Variants in DGCR8 observed in about 807,000 individuals in gnomAD.
The protein encoded by DGCR8 is DGCR8 microprocessor complex subunit, also known as microprocessor complex subunit DGCR8.
In DGCR8, 14 loss-of-function variants were observed where a neutral mutation model predicts 78.5. That is an observed-to-expected ratio of 0.18 (90% CI 0.12 to 0.28). DGCR8 has a LOEUF of 0.28. Among genes scored for constraint, DGCR8 ranks in the 10% least tolerant of loss-of-function variants. The pLI, the probability that DGCR8 is intolerant of heterozygous loss-of-function variation, is 1.00. For missense variants in DGCR8, 702 were observed against 1,022.5 expected, an observed-to-expected ratio of 0.69 and a Z score of 4.28; for synonymous variants, 399 against 402.4, an observed-to-expected ratio of 0.99 and a Z score of 0.10.
Position 20,110,150 on chromosome 22 carries a change from C to T in DGCR8, c.*42C>T, listed in dbSNP as rs758322011. 1.3e-6 allele frequency: 2 copies of T among 1,582,566 alleles called. No homozygotes were observed. Among genetic ancestry groups the T allele is most frequent in the South Asian group, 1.1e-5 (1 of 90,560 alleles). On this transcript the variant is annotated 3_prime_UTR_variant, in exon 14 of 14. Transcript: ENST00000351989. ...CAGGGCGCGGGGGCCGCCAGCCGCACTTCTGAGGAGACCAGCAGTCATGCA... is the reference window on the plus strand; with the variant it reads ...CAGGGCGCGGGGGCCGCCAGCCGCATTTCTGAGGAGACCAGCAGTCATGCA...
rs2073778 is a variant in DGCR8, at chr22:20,087,052, C to T, written c.721-110C>T. On this transcript the variant is annotated intron_variant, in intron 2 of 13. Coordinates refer to ENST00000351989, the MANE Select transcript of DGCR8 (RefSeq NM_022720.7). This position sits in a 1 kb window ranked among gnomAD's most constrained non-coding sequence, Gnocchi z 4.1. ...ATGCACCCTAAGGGCACATCTAGGC[C>T]CCCTGAGAGCACCTCCTTTCTGTGT... The T allele has an allele frequency of 0.15, 202,610 of 1,396,062 alleles. 20,149 individuals are homozygous for T. The highest frequency in any genetic ancestry group is 0.49 in the East Asian group (20,978 of 43,136). The allele number at this position is 1,396,062 out of a possible 1,614,324, so 86.5% of individuals were successfully genotyped here. A position where few individuals can be genotyped will look rare whatever the true frequency, so the allele number is the denominator to read the frequency against.
chr22:20,086,871 T>C lies in DGCR8; in HGVS notation c.720+188T>C, dbSNP rs987137797. 1.7e-4 allele frequency: 147 copies of C among 862,632 alleles called. 2 individuals carry two copies. The highest frequency in any genetic ancestry group is 2.9e-5 in the Non-Finnish European group (17 of 583,180). The allele number at this position is 862,632 out of a possible 1,614,324, so 53.4% of individuals were successfully genotyped here. ...AGGAGTCCAGATTTTTAAAGTTTCC[T>C]AATGAAAAGTTTGGCCCATGGGTAG... On this transcript the variant is annotated intron_variant, in intron 2 of 13. Coordinates refer to ENST00000351989, the MANE Select transcript of DGCR8 (RefSeq NM_022720.7). The surrounding 1 kb of genome is among the most constrained non-coding windows in gnomAD (Gnocchi z 6.4).
intron 9 of DGCR8, among the ~76,000 whole-genome samples, chr22:20,102,302 G>A (rs566291125): frequency 8.7e-4 from 132 of 152,284 alleles, no homozygotes; most frequent in Middle Eastern, 6.8e-3. Flanking sequence ...GATCCTGAAT[G>A]TCCTCTTAGT....
In DGCR8 at chr22:20,111,433, C is replaced by T; in HGVS notation, c.*1325C>T. On this transcript the variant is annotated 3_prime_UTR_variant, in exon 14 of 14. Transcript: ENST00000351989. ...CCGCCCACAACATATCCTTCCCTCA[C>T]TACCTGTGTGACCAAGGTTGGCTTC... The T allele has an allele frequency of 2.5e-6, 1 of 398,308 alleles. No individual in the cohort carries two copies. Among genetic ancestry groups the T allele is most frequent in the Non-Finnish European group, 4.4e-6 (1 of 225,988 alleles). 24.7% of individuals were successfully genotyped at this position (398,308 alleles called of 1,614,324 possible). A position where few individuals can be genotyped will look rare whatever the true frequency, so the allele number is the denominator to read the frequency against.
intron 1 of DGCR8, among the ~76,000 whole-genome samples, chr22:20,083,108 C>G (rs753072462): frequency 6.6e-6 from 1 of 152,170 alleles, no homozygotes; most frequent in Non-Finnish European, 1.5e-5. Flanking sequence ...CTGGAACATC[C>G]CCTCCTCCCA....
chr22:20,109,318 G>A (rs1323833550), intron 13 of DGCR8: 3 of 320,666 alleles, frequency 9.4e-6, no homozygotes, highest in African/African-American at 6.5e-5. Context: ...GCACCTGCCA[G>A]GGTTGAATCT....
intron 1 of DGCR8, among the ~76,000 whole-genome samples, chr22:20,082,933 ATC>A (rs1173112217): frequency 1.3e-5 from 2 of 152,204 alleles, no homozygotes; most frequent in Non-Finnish European, 2.9e-5. Context: ...CCGGTGGCCC[ATC>A]TCTCTCACTA....
intron 1 of DGCR8, among the ~76,000 whole-genome samples, chr22:20,082,657 G>A (rs530983447): frequency 6.6e-6 from 1 of 152,260 alleles, no homozygotes; most frequent in South Asian, 2.1e-4. Flanking sequence ...GTGCACCACC[G>A]CGCCCGGCCC....
At chr22:20,084,361 G>A (rs1225496901) in intron 1 of DGCR8, among the ~76,000 whole-genome samples, 2 of 152,212 alleles carry the variant, frequency 1.3e-5, no homozygotes, top group African/African-American at 2.4e-5. Context: ...TGCACGTTGT[G>A]GGAGTGTGCA....
At chr22:20,083,453 G>A (rs1193877037) in intron 1 of DGCR8, among the ~76,000 whole-genome samples, 1 of 151,690 alleles carries the variant, frequency 6.6e-6, no homozygotes, top group Non-Finnish European at 1.5e-5. Flanking sequence ...GTCTGGGGCT[G>A]GGCAGGTTTC....
At chr22:20,100,981 C>G (rs901499347) in intron 9 of DGCR8, among the ~76,000 whole-genome samples, 2 of 152,202 alleles carry the variant, frequency 1.3e-5, no homozygotes, top group Non-Finnish European at 2.9e-5. Context: ...CTCAGGAACT[C>G]AGGAAAAATT....
chr22:20,101,738 C>T (rs1461068284), intron 9 of DGCR8: 8 of 985,210 alleles, frequency 8.1e-6, no homozygotes, highest in African/African-American at 1.7e-5. Flanking sequence ...TCCTCCCTAG[C>T]GAGGCTCTCA....
chr22:20,088,856 C>T (rs1010669883), intron 3 of DGCR8, among the ~76,000 whole-genome samples: 1 of 151,922 alleles, frequency 6.6e-6, no homozygotes, highest in South Asian at 2.1e-4. Flanking sequence ...TGGAGTAGCT[C>T]ACTACAGCCT....
chr22:20,090,164 C>T lies in DGCR8; in HGVS notation c.1212C>T (p.Pro404=), dbSNP rs140543646. The change falls in exon 5 of 14, where the codon CCC becomes CCT. Residue 404 remains proline, a synonymous_variant. Transcript: ENST00000351989. ...EPDSMGADPG[P]PDEKDPLGAE... ...ACTCTATGGGTGCTGACCCGGGGCC[C>T]CCGGACGAGAAAGACCCACTAGGGG... 1 of 1,614,088 alleles carries T rather than the reference C, an allele frequency of 6.2e-7. No individual in the cohort carries two copies. The highest frequency in any genetic ancestry group is 8.5e-7 in the Non-Finnish European group (1 of 1,180,040).
At position 20,111,285 on chromosome 22, in the gene DGCR8, G is replaced by T; in HGVS notation, c.*1177G>T. The T allele has an allele frequency of 2.5e-6, 1 of 398,830 alleles. No homozygotes were observed. Among genetic ancestry groups the T allele is most frequent in the Non-Finnish European group, 4.4e-6 (1 of 226,140 alleles). 24.7% of individuals were successfully genotyped at this position (398,830 alleles called of 1,614,324 possible). A position where few individuals can be genotyped will look rare whatever the true frequency, so the allele number is the denominator to read the frequency against. ...CTGTGCAGAGTGCCGTGTGCTTGTG[G>T]TGCGCCATCTGAAGCAAGAGTCCAG... is the stretch of plus-strand genomic sequence containing the variant. On this transcript the variant is annotated 3_prime_UTR_variant, in exon 14 of 14. Transcript: ENST00000351989.
intron 8 of DGCR8, among the ~76,000 whole-genome samples, chr22:20,094,061 G>T (rs541404643): frequency 6.6e-6 from 1 of 152,206 alleles, no homozygotes; most frequent in Admixed American, 6.5e-5. Flanking sequence ...TGCCTTGGGC[G>T]TGGCTGTGTG....
chr22:20,100,668 A>G, intron 9 of DGCR8: 12 of 985,406 alleles, frequency 1.2e-5, no homozygotes, highest in Non-Finnish European at 1.3e-5. Flanking sequence ...TCTTCTGTGA[A>G]GTGGAGAGGC....
At position 20,101,577 on chromosome 22, in the gene DGCR8, CAA is replaced by C. The variant is rs57386389; in HGVS notation, c.1789-4588_1789-4587del. ...TGGGCGACGGAGCGAGAATATGTCT[CAA>C]AAAAAAAAAAATGTATATATGTCAT... On this transcript the variant is annotated intron_variant, in intron 9 of 13. Transcript: ENST00000351989. 31 of 826,818 alleles carry C rather than the reference CAA, an allele frequency of 3.7e-5. No individual in the cohort carries two copies. In the African/African-American group the frequency reaches 5.3e-4, roughly 14 times the overall value. 51.2% of individuals were successfully genotyped at this position (826,818 alleles called of 1,614,324 possible).
At position 20,110,067 on chromosome 22, in the gene DGCR8, G is replaced by A. The variant is rs1351531455; in HGVS notation, c.2281G>A (p.Ala761Thr). The A allele has an allele frequency of 1.2e-6, 2 of 1,612,830 alleles. No homozygotes were observed. The highest frequency in any genetic ancestry group is 8.5e-7 in the Non-Finnish European group (1 of 1,180,008). Reference protein sequence around the residue: ...KKPKMSIVASAQPGGEPLCTV... With the variant: ...KKPKMSIVASTQPGGEPLCTV... ...GCCCAAGATGTCCATTGTGGCGTCC[G>A]CCCAGCCTGGCGGTGAGCCCCTGTG... Residue 761 changes from alanine to threonine, a missense_variant, in exon 14 of 14, where the codon GCC becomes ACC. This residue lies in a region of DGCR8 where 225 missense variants were observed against 427.7 expected (regional missense o/e 0.53). Coordinates refer to ENST00000351989, the MANE Select transcript of DGCR8 (RefSeq NM_022720.7).
Sources: gnomAD v4.1 joint callset for allele counts (sites outside exome capture counted in the v4.1 genomes callset) on GRCh38, gnomAD v4.1.1 for gene constraint, gnomAD v4.1.1 regional missense constraint, Gnocchi (gnomAD v3.1) non-coding constraint, MANE v1.5 for transcripts, NCBI Gene and HGNC (gene_info 2026-07-23, HGNC 2026-07-21) for gene names.